Variants in ACOX2 observed in about 807,000 individuals in gnomAD.
ACOX2 encodes acyl-CoA oxidase 2.
Under a neutral mutation model 77.5 loss-of-function variants are expected in ACOX2, and 59 were observed. The observed-to-expected ratio is 0.76, with a 90% CI of 0.62 to 0.95. ACOX2 has a LOEUF of 0.95. Among genes scored for constraint, ACOX2 ranks in the 40% least tolerant of loss-of-function variants. The pLI is 0.00. For missense variants in ACOX2, 837 were observed against 880.4 expected (o/e 0.95, Z 0.62); for synonymous variants, 317 against 340.1 (o/e 0.93, Z 0.75).
chr3:58,510,078 C>G (rs2063267101), intron 13 of ACOX2, among the ~76,000 whole-genome samples: 2 of 152,110 alleles, frequency 1.3e-5, no homozygotes, highest in Non-Finnish European at 2.9e-5. Context: ...TCCCCTTGTT[C>G]CCATTCTTCT....
At chr3:58,516,922 C>T (rs1166413814) in intron 13 of ACOX2, among the ~76,000 whole-genome samples, 2 of 152,162 alleles carry the variant, frequency 1.3e-5, no homozygotes, top group African/African-American at 4.8e-5. Context: ...TAGCATGCTT[C>T]ATTTTATTGA....
Position 58,528,724 on chromosome 3 carries a change from TC to T in ACOX2, c.1155+69del. The T allele has an allele frequency of 6.7e-7, 1 of 1,491,340 alleles. No individual in the cohort carries two copies. Among genetic ancestry groups the T allele is most frequent in the Non-Finnish European group, 8.9e-7 (1 of 1,119,632 alleles). The allele number at this position is 1,491,340 out of a possible 1,614,324, so 92.4% of individuals were successfully genotyped here. A position where few individuals can be genotyped will look rare whatever the true frequency, so the allele number is the denominator to read the frequency against. The stretch of plus-strand genomic sequence containing the variant: ...CCCATGGGGATGGGGCTGTGGCTGC[TC>T]CCCAGTGAGTGGAACAATCTTAGCT... On this transcript the variant is annotated intron_variant, in intron 9 of 14. Coordinates refer to ENST00000302819, the MANE Select transcript of ACOX2 (RefSeq NM_003500.4). The surrounding 1 kb of genome is among the most constrained non-coding windows in gnomAD (Gnocchi z 5.6).
In ACOX2 at chr3:58,535,535, C is replaced by T. The variant is rs986299330; in HGVS notation, c.-91-338G>A. 1.3e-5 allele frequency among the ~76,000 whole-genome samples: 2 copies of T among 152,080 alleles called. No homozygotes were observed. Among genetic ancestry groups the T allele is most frequent in the African/African-American group, 2.4e-5 (1 of 41,404 alleles). On this transcript the variant is annotated intron_variant, in intron 1 of 14. Transcript: ENST00000302819. The surrounding 1 kb of genome is among the most constrained non-coding windows in gnomAD (Gnocchi z 4.8). ...ATAATCCTGGAGAGGTTGAGTGGCC[C>T]CTAGCCACACAGCTGGAGATGGCCA...
intron 12 of ACOX2, among the ~76,000 whole-genome samples, 194 bp from the exon 13 acceptor site, chr3:58,517,617 G>GGC (rs2063330942): frequency 6.7e-6 from 1 of 149,786 alleles, no homozygotes; most frequent in Non-Finnish European, 1.5e-5. Context: ...GTGTGTTGGG[G>GGC]GGGGGAGCGG....
rs1344883351 is a variant in ACOX2 at position 58,521,512 on chromosome 3, C to T, written c.1632+984G>A. Among the ~76,000 whole-genome samples, 1 of 152,240 alleles carries T rather than the reference C, an allele frequency of 6.6e-6. No homozygotes were observed. The highest frequency in any genetic ancestry group is 2.4e-5 in the African/African-American group (1 of 41,462). On this transcript the variant is annotated intron_variant, in intron 12 of 14. Transcript: ENST00000302819. This position sits in a 1 kb window ranked among gnomAD's most constrained non-coding sequence, Gnocchi z 4.8. ...CCCCTTAGCATCTCTGATCTACCCA[C>T]TTGTCTCCAGGCCTTCTGCCATGCT...
chr3:58,533,650 G>A lies in ACOX2; in HGVS notation c.476-98C>T. ...GTCTGAACTCTTAGGCATCAGCGCA[G>A]TATGGAGTGGGGCCCAGCTCCCAGC... On this transcript the variant is annotated intron_variant, in intron 4 of 14. Coordinates refer to ENST00000302819, the MANE Select transcript of ACOX2 (RefSeq NM_003500.4). The surrounding 1 kb of genome is among the most constrained non-coding windows in gnomAD (Gnocchi z 5.6). 1 of 1,094,366 alleles carries A rather than the reference G, an allele frequency of 9.1e-7. No homozygotes were observed. The highest frequency in any genetic ancestry group is 2.4e-5 in the East Asian group (1 of 41,532). 67.8% of individuals were successfully genotyped at this position (1,094,366 alleles called of 1,614,324 possible).
intron 13 of ACOX2, among the ~76,000 whole-genome samples, chr3:58,516,713 C>A (rs192171970): frequency 6.6e-6 from 1 of 152,114 alleles, no homozygotes; most frequent in Non-Finnish European, 1.5e-5. Flanking sequence ...GGGTGGGCAC[C>A]TGTAATCCCA....
chr3:58,524,181 G>A lies in ACOX2; in HGVS notation c.1526+245C>T, dbSNP rs975936329. ...TAGAGATTTTAAAAATATCTCACTG[G>A]CCAGAGGTGTGATGTCCTTCTACTA... is the stretch of plus-strand genomic sequence containing the variant. On this transcript the variant is annotated intron_variant, in intron 11 of 14. Coordinates refer to ENST00000302819, the MANE Select transcript of ACOX2 (RefSeq NM_003500.4). This position sits in a 1 kb window ranked among gnomAD's most constrained non-coding sequence, Gnocchi z 5.5. Among the ~76,000 whole-genome samples the A allele has an allele frequency of 2.6e-5, 4 of 152,202 alleles. No individual in the cohort carries two copies. Among genetic ancestry groups the A allele is most frequent in the African/African-American group, 7.2e-5 (3 of 41,438 alleles).
chr3:58,512,819 C>A lies in ACOX2; in HGVS notation c.1851-3794G>T, dbSNP rs1282010980. ...GCTTAGTGATTGATGTTAGAATTGG[C>A]TGCAGTATTCAGAACAGCAACATGC... is the stretch of plus-strand genomic sequence containing the variant. On this transcript the variant is annotated intron_variant, in intron 13 of 14. Transcript: ENST00000302819. The surrounding 1 kb of genome is among the most constrained non-coding windows in gnomAD (Gnocchi z 4.8). Among the ~76,000 whole-genome samples the A allele has an allele frequency of 2.6e-5, 4 of 152,234 alleles. No homozygotes were observed. Among genetic ancestry groups the A allele is most frequent in the African/African-American group, 9.6e-5 (4 of 41,462 alleles).
At position 58,531,295 on chromosome 3, in the gene ACOX2, G is replaced by T. The variant is rs1043157756; in HGVS notation, c.775C>A (p.His259Asn). Reference sequence around the variant, plus strand: ...ATGTTCTCCCTGGGGACCCGCACATGGTTCAGCTGCAGGAAGCCATTGTCT... The same window carrying T: ...ATGTTCTCCCTGGGGACCCGCACATTGTTCAGCTGCAGGAAGCCATTGTCT... ...QTDNGFLQLN[H>N]VRVPRENMLS... is the part of the protein sequence containing the mutation. Residue 259 changes from histidine (H) to asparagine (N), a missense_variant, in exon 7 of 15, where the codon CAT becomes AAT. His to Asn is a moderately conservative substitution (Grantham distance 68). Coordinates refer to ENST00000302819, the MANE Select transcript of ACOX2 (RefSeq NM_003500.4). This position sits in a 1 kb window ranked among gnomAD's most constrained non-coding sequence, Gnocchi z 5.8. The T allele has an allele frequency of 1.2e-5, 19 of 1,613,538 alleles. No individual in the cohort carries two copies. Among genetic ancestry groups the T allele is most frequent in the Non-Finnish European group, 1.5e-5 (18 of 1,180,044 alleles).
In ACOX2 at chr3:58,534,832, T is replaced by A. The variant is rs2063469240; in HGVS notation, c.160+115A>T. On this transcript the variant is annotated intron_variant, in intron 2 of 14. Transcript: ENST00000302819. This position sits in a 1 kb window ranked among gnomAD's most constrained non-coding sequence, Gnocchi z 4.8. ...GTTCGAAGGAATGAATCTCTAACAG[T>A]GGAATTTCAAGGGCAAAGTTTGTTA... The A allele has an allele frequency of 1.3e-6, 2 of 1,508,268 alleles. No individual in the cohort carries two copies. The highest frequency in any genetic ancestry group is 1.8e-6 in the Non-Finnish European group (2 of 1,098,484). 93.4% of individuals were successfully genotyped at this position (1,508,268 alleles called of 1,614,324 possible). A position where few individuals can be genotyped will look rare whatever the true frequency, so the allele number is the denominator to read the frequency against.
chr3:58,523,516 C>T lies in ACOX2; in HGVS notation c.1526+910G>A, dbSNP rs1343570695. ...GATCTTGAAATAACTATTAACCATCCCTGGGACCACAGGTTGGGATATAAG... is the reference window on the plus strand; with the variant it reads ...GATCTTGAAATAACTATTAACCATCTCTGGGACCACAGGTTGGGATATAAG... On this transcript the variant is annotated intron_variant, in intron 11 of 14. Transcript: ENST00000302819. The surrounding 1 kb of genome is among the most constrained non-coding windows in gnomAD (Gnocchi z 5.3). Among the ~76,000 whole-genome samples, 1 of 152,072 alleles carries T rather than the reference C, an allele frequency of 6.6e-6. No homozygotes were observed. The highest frequency in any genetic ancestry group is 6.6e-5 in the Admixed American group (1 of 15,258).
At chr3:58,527,908 C>T (rs2063409313) in intron 9 of ACOX2, among the ~76,000 whole-genome samples, 1 of 149,358 alleles carries the variant, frequency 6.7e-6, no homozygotes. Flanking sequence ...CACCATCTTG[C>T]TCAGGCTGGT....
Position 58,505,936 on chromosome 3 carries a change from G to T in ACOX2, c.1984-650C>A, listed in dbSNP as rs555014028. Among the ~76,000 whole-genome samples, 4 of 152,104 alleles carry T rather than the reference G, an allele frequency of 2.6e-5. No individual in the cohort carries two copies. Among genetic ancestry groups the T allele is most frequent in the Non-Finnish European group, 4.4e-5 (3 of 67,956 alleles). On this transcript the variant is annotated intron_variant, in intron 14 of 14. Transcript: ENST00000302819. This position sits in a 1 kb window ranked among gnomAD's most constrained non-coding sequence, Gnocchi z 4.4. Reference sequence around the variant, plus strand: ...CTCCCGAGTACCTTGGATTACAGGGGTGCACCACCACACCTGGCTAATTTT... The same window carrying T: ...CTCCCGAGTACCTTGGATTACAGGGTTGCACCACCACACCTGGCTAATTTT...
In ACOX2 at chr3:58,530,649, C is replaced by G. The variant is rs772159595; in HGVS notation, c.820-11G>C. The G allele has an allele frequency of 9.9e-6, 16 of 1,612,018 alleles. No homozygotes were observed. The highest frequency in any genetic ancestry group is 1.2e-5 in the Non-Finnish European group (14 of 1,178,668). ...GCCATCTGGCAAGACCTGTGTGGAA[C>G]AAGGACGGGCACAAGTTCTGGGCCA... is the stretch of plus-strand genomic sequence containing the variant. On this transcript the variant is annotated splice_polypyrimidine_tract_variant and intron_variant, in intron 7 of 14. Coordinates refer to ENST00000302819, the MANE Select transcript of ACOX2 (RefSeq NM_003500.4).
chr3:58,534,525 G>T lies in ACOX2; in HGVS notation c.161-3C>A, dbSNP rs2063466612. 6 of 1,614,196 alleles carry T rather than the reference G, an allele frequency of 3.7e-6. No homozygotes were observed. The highest frequency in any genetic ancestry group is 5.1e-6 in the Non-Finnish European group (6 of 1,180,028). On this transcript the variant is annotated splice_polypyrimidine_tract_variant and splice_region_variant and intron_variant, in intron 2 of 14. Transcript: ENST00000302819. The surrounding 1 kb of genome is among the most constrained non-coding windows in gnomAD (Gnocchi z 4.8). ...CGGGTAACTGTGGATGATGCTCTCTGCAGAGGACAGAGAACAGAGGGCTTA... is the reference window on the plus strand; with the variant it reads ...CGGGTAACTGTGGATGATGCTCTCTTCAGAGGACAGAGAACAGAGGGCTTA...
At chr3:58,509,216 G>A (rs2063258591) in intron 13 of ACOX2, among the ~76,000 whole-genome samples, 191 bp from the exon 14 acceptor site, 1 of 148,268 alleles carries the variant, frequency 6.7e-6, no homozygotes. Flanking sequence ...AAAGGGTTCC[G>A]TAAGGCTTGT....
At position 58,514,324 on chromosome 3, in the gene ACOX2, G is replaced by A. The variant is rs192052816; in HGVS notation, c.1850+2882C>T. ...AAAAAATTTCAGTCCATTCACTGATGTTTTAGTAGGGTTTCGGGAAAGAAC... is the reference window on the plus strand; with the variant it reads ...AAAAAATTTCAGTCCATTCACTGATATTTTAGTAGGGTTTCGGGAAAGAAC... On this transcript the variant is annotated intron_variant, in intron 13 of 14. Coordinates refer to ENST00000302819, the MANE Select transcript of ACOX2 (RefSeq NM_003500.4). The surrounding 1 kb of genome is among the most constrained non-coding windows in gnomAD (Gnocchi z 4.3). 2.6e-5 allele frequency among the ~76,000 whole-genome samples: 4 copies of A among 152,296 alleles called. No individual in the cohort carries two copies. Among genetic ancestry groups the A allele is most frequent in the Admixed American group, 2.0e-4 (3 of 15,304 alleles).
chr3:58,531,442 C>A lies in ACOX2; in HGVS notation c.704-76G>T. 2.2e-6 allele frequency: 3 copies of A among 1,394,936 alleles called. No individual in the cohort carries two copies. Among genetic ancestry groups the A allele is most frequent in the South Asian group, 2.4e-5 (2 of 82,114 alleles). 86.4% of individuals were successfully genotyped at this position (1,394,936 alleles called of 1,614,324 possible). On this transcript the variant is annotated intron_variant, in intron 6 of 14. Coordinates refer to ENST00000302819, the MANE Select transcript of ACOX2 (RefSeq NM_003500.4). This position sits in a 1 kb window ranked among gnomAD's most constrained non-coding sequence, Gnocchi z 5.8. Reference sequence around the variant, plus strand: ...ATGTGGCAGGTATCATACACACATTCCAGGTCACAGCAGCCTGTGACACTG... The same window carrying A: ...ATGTGGCAGGTATCATACACACATTACAGGTCACAGCAGCCTGTGACACTG...
Sources: allele counts gnomAD v4.1 joint callset (sites outside exome capture counted in the v4.1 genomes callset), GRCh38; gene constraint gnomAD v4.1.1; non-coding constraint Gnocchi (gnomAD v3.1); transcripts MANE v1.5; gene names NCBI Gene and HGNC (gene_info 2026-07-23, HGNC 2026-07-21).